The following WDR72 variants were observed in gnomAD, a reference collection of about 807,000 sequenced individuals.
WDR72 encodes WD repeat domain 72, also known as WD repeat-containing protein 72.
A neutral mutation model predicts 124.2 loss-of-function variants in WDR72; 120 were observed. That is an observed-to-expected ratio of 0.97 (90% confidence interval 0.83 to 1.12). WDR72 has a LOEUF of 1.12. Among genes scored for constraint, WDR72 ranks in the 50% most tolerant of loss-of-function variants. The probability of loss-of-function intolerance (pLI) is 0.00; values close to 1 mark genes in which losing one functional copy is unlikely to be tolerated. For synonymous variants in WDR72, 452 were observed against 441.7 expected, an observed-to-expected ratio of 1.02 and a Z score of -0.29; for missense variants, 1,387 against 1,278.8, an observed-to-expected ratio of 1.08 and a Z score of -1.29.
chr15:53,733,396 T>C (rs772314013), intron 1 of WDR72, among the ~76,000 whole-genome samples: 6 of 152,208 alleles, frequency 3.9e-5, no homozygotes, highest in African/African-American at 1.2e-4. Context: ...TTCCTTATTA[T>C]TGTTGAAGAG....
rs61501258 is a variant in WDR72 at position 53,608,785 on chromosome 15, T to TAAATAAAA, written c.2952+727_2952+728insTTTTATTT. Among the ~76,000 whole-genome samples the TAAATAAAA allele has an allele frequency of 5.5e-4, 83 of 149,908 alleles. 2 individuals are homozygous for TAAATAAAA. The highest frequency in any genetic ancestry group is 2.5e-3 in the South Asian group (12 of 4,756). ...ATAAATAAATAAATAAATAAATAAA[T>TAAATAAAA]ATAAAAATAAAAACAATTGAACTCA... On this transcript the variant is annotated intron_variant, in intron 17 of 19. Coordinates refer to ENST00000360509, the MANE Select transcript of WDR72 (RefSeq NM_182758.4).
chr15:53,727,918 T>C (rs689611), intron 2 of WDR72, among the ~76,000 whole-genome samples: 150,728 of 152,334 alleles, frequency 0.99, 74,583 homozygotes, highest in East Asian at 1. Context: ...TGATGAAATC[T>C]GCAAGACCTT....
At chr15:53,657,503 T>C (rs2015470933) in intron 14 of WDR72, among the ~76,000 whole-genome samples, 1 of 152,078 alleles carries the variant, frequency 6.6e-6, no homozygotes, top group African/African-American at 2.4e-5. Context: ...ATGCCTAAAA[T>C]GTTAAACTTT....
At chr15:53,521,438 T>C (rs572684959) in intron 19 of WDR72, among the ~76,000 whole-genome samples, 1 of 152,238 alleles carries the variant, frequency 6.6e-6, no homozygotes, top group South Asian at 2.1e-4. Flanking sequence ...AGGCAAGATG[T>C]CTTAAAATGC....
At chr15:53,541,261 G>C (rs965019937) in intron 18 of WDR72, among the ~76,000 whole-genome samples, 3 of 152,280 alleles carry the variant, frequency 2.0e-5, no homozygotes, top group Middle Eastern at 3.4e-3. Context: ...GCTTTGAAGA[G>C]AGCAGTGGTT....
chr15:53,633,643 A>G (rs570339535), intron 14 of WDR72, among the ~76,000 whole-genome samples: 1 of 152,236 alleles, frequency 6.6e-6, no homozygotes, highest in African/African-American at 2.4e-5. Flanking sequence ...AATTATAAAG[A>G]TAAATTGACA....
intron 13 of WDR72, among the ~76,000 whole-genome samples, chr15:53,673,992 A>G (rs2016080046): frequency 6.6e-6 from 1 of 151,940 alleles, no homozygotes; most frequent in Admixed American, 6.6e-5. Context: ...ACTCCATCTC[A>G]AGAAAAAAAA....
chr15:53,745,639 A>G (rs530115220), intron 1 of WDR72, among the ~76,000 whole-genome samples: 1 of 152,304 alleles, frequency 6.6e-6, no homozygotes, highest in East Asian at 1.9e-4. Flanking sequence ...ACTAAAAATT[A>G]TTGTTTATTG....
At chr15:53,654,304 T>C (rs1231936238) in intron 14 of WDR72, among the ~76,000 whole-genome samples, 11 of 152,222 alleles carry the variant, frequency 7.2e-5, no homozygotes, top group Non-Finnish European at 1.6e-4. Context: ...TTAGTCCCAT[T>C]ATACTTCATG....
At chr15:53,532,559 A>G (rs982557224) in intron 18 of WDR72, among the ~76,000 whole-genome samples, 2 of 152,092 alleles carry the variant, frequency 1.3e-5, no homozygotes, top group African/African-American at 4.8e-5. Flanking sequence ...CAAATATCAC[A>G]TGTTCTCACT....
intron 17 of WDR72, among the ~76,000 whole-genome samples, chr15:53,603,951 G>T (rs28816108): frequency 6.6e-6 from 1 of 151,948 alleles, no homozygotes; most frequent in Non-Finnish European, 1.5e-5. Flanking sequence ...AGCTATCAAC[G>T]TCATTTTTCA....
chr15:53,517,884 G>GA, intron 19 of WDR72, 130 bp from the exon 20 acceptor site: 1 of 820,824 alleles, frequency 1.2e-6, no homozygotes, highest in Non-Finnish European at 2.0e-6. Flanking sequence ...AGAGAATGAG[G>GA]AAAAAAAGAA....
At chr15:53,736,127 C>T (rs1019742057) in intron 1 of WDR72, among the ~76,000 whole-genome samples, 9 of 152,006 alleles carry the variant, frequency 5.9e-5, no homozygotes, top group African/African-American at 1.7e-4. Context: ...GATATAGATG[C>T]TAAGTGAAAA....
intron 13 of WDR72, among the ~76,000 whole-genome samples, chr15:53,678,049 C>T (rs1252447445): frequency 6.6e-6 from 1 of 152,014 alleles, no homozygotes; most frequent in Non-Finnish European, 1.5e-5. Flanking sequence ...ACATTTCTAC[C>T]AGAGATTATG....
chr15:53,605,819 C>A (rs764072116), intron 17 of WDR72, among the ~76,000 whole-genome samples: 1 of 152,074 alleles, frequency 6.6e-6, no homozygotes, highest in Non-Finnish European at 1.5e-5. Context: ...CATGCCACTG[C>A]ACTCCAGCCT....
At chr15:53,599,290 G>A (rs2012933370) in intron 17 of WDR72, among the ~76,000 whole-genome samples, 1 of 151,936 alleles carries the variant, frequency 6.6e-6, no homozygotes, top group Admixed American at 6.6e-5. Flanking sequence ...TAACACTGAA[G>A]CTATTTCATT....
chr15:53,686,555 A>C (rs9920023), intron 13 of WDR72, among the ~76,000 whole-genome samples: 1 of 151,816 alleles, frequency 6.6e-6, no homozygotes, highest in African/African-American at 2.4e-5. Context: ...ACCCAGATTC[A>C]TAAAGCAAGT....
intron 3 of WDR72, among the ~76,000 whole-genome samples, chr15:53,719,179 A>G (rs1206576485): frequency 2.0e-5 from 3 of 152,152 alleles, no homozygotes; most frequent in Non-Finnish European, 4.4e-5. Context: ...CTGGAAGGAG[A>G]GGAGATAAAC....
At chr15:53,592,057 A>G (rs1288730559) in intron 18 of WDR72, among the ~76,000 whole-genome samples, 1 of 152,032 alleles carries the variant, frequency 6.6e-6, no homozygotes, top group African/African-American at 2.4e-5. Flanking sequence ...ACAGTCAGTC[A>G]TTATCACTGT....
Sources: allele counts gnomAD v4.1 joint callset (sites outside exome capture counted in the v4.1 genomes callset), GRCh38; gene constraint gnomAD v4.1.1; transcripts MANE v1.5; gene names NCBI Gene and HGNC (gene_info 2026-07-23, HGNC 2026-07-21).